Variants in HARS1 observed in about 807,000 individuals in gnomAD.
HARS1 encodes histidyl-tRNA synthetase 1, also known as histidine--tRNA ligase, cytoplasmic.
A neutral mutation model predicts 63.6 loss-of-function variants in HARS1; 45 were observed. The observed-to-expected ratio is 0.71, with a 90% CI of 0.56 to 0.91. HARS1 has a LOEUF of 0.91. Ranked by LOEUF, HARS1 falls within the 40% of genes least tolerant of loss-of-function variation. HARS1 has a pLI of 0.00. For synonymous variants in HARS1, 205 were observed against 247.1 expected, an observed-to-expected ratio of 0.83 and a Z score of 1.60; for missense variants, 508 against 643.2, an observed-to-expected ratio of 0.79 and a Z score of 2.27.
chr5:140,685,734 A>G (rs1758986408), intron 2 of HARS1, among the ~76,000 whole-genome samples: 1 of 151,410 alleles, frequency 6.6e-6, no homozygotes, highest in African/African-American at 2.4e-5. Context: ...AAAAAAAAAA[A>G]TCATTAAAAT....
At chr5:140,690,594 T>C (rs1759347612) in intron 2 of HARS1, among the ~76,000 whole-genome samples, 1 of 152,190 alleles carries the variant, frequency 6.6e-6, no homozygotes, top group Non-Finnish European at 1.5e-5. Context: ...TAGCGCTAAA[T>C]ACACATTTAT....
At chr5:140,678,865 A>G in intron 5 of HARS1, 137 bp downstream of exon 5, 1 of 925,382 alleles carries the variant, frequency 1.1e-6, no homozygotes, top group Non-Finnish European at 1.6e-6. Context: ...AAACAAACAA[A>G]AAAACCACCA....
intron 1 of HARS1, 130 bp downstream of exon 1, chr5:140,691,085 C>A: frequency 1.1e-6 from 1 of 897,844 alleles, no homozygotes; most frequent in East Asian, 2.5e-5. Context: ...GGATGTCTCC[C>A]CACGCAGCCC....
chr5:140,688,156 T>C (rs1364716170), intron 2 of HARS1, among the ~76,000 whole-genome samples: 1 of 152,084 alleles, frequency 6.6e-6, no homozygotes, highest in Non-Finnish European at 1.5e-5. Flanking sequence ...AGAATTATTA[T>C]AGAAATAGTT....
intron 2 of HARS1, among the ~76,000 whole-genome samples, chr5:140,690,622 A>G (rs1759350072): frequency 6.6e-6 from 1 of 152,186 alleles, no homozygotes; most frequent in South Asian, 2.1e-4. Context: ...ACGAAGGAGT[A>G]GCAGCAGCAG....
In HARS1 at chr5:140,675,009, T is replaced by C. The variant is rs1402724979; in HGVS notation, c.1311+8A>G. 1 of 1,586,004 alleles carries C rather than the reference T, an allele frequency of 6.3e-7. No individual in the cohort carries two copies. The stretch of plus-strand genomic sequence containing the variant: ...GTTTGCTGCCACCCTGGGGCTTGCC[T>C]CCCATACCTTGATCCCAGCATCCCA... On this transcript the variant is annotated splice_region_variant and intron_variant, in intron 11 of 12. Coordinates refer to ENST00000504156, the MANE Select transcript of HARS1 (RefSeq NM_002109.6).
In HARS1 at chr5:140,674,783, A is replaced by C; in HGVS notation, c.1354T>G (p.Leu452Val). 2 of 1,614,108 alleles carry C rather than the reference A, an allele frequency of 1.2e-6. No homozygotes were observed. The highest frequency in any genetic ancestry group is 1.3e-5 in the African/African-American group (1 of 75,034). ...ATGCCTGCCTCCTCACAGTACTGTA[A>C]CTGGTTCAGTAGCTTTGGGTTCTTC... The part of the protein sequence containing the change: ...YKKNPKLLNQ[L>V]QYCEEAGIPL... The change falls in exon 12 of 13, where the codon TTA becomes GTA. Residue 452 changes from leucine to valine, a missense_variant. By Grantham distance (32) the Leu-to-Val change is conservative (BLOSUM62 1). This residue lies in a region of HARS1 where 403 missense variants were observed against 548.7 expected (regional missense o/e 0.73). Transcript: ENST00000504156.
intron 2 of HARS1, among the ~76,000 whole-genome samples, chr5:140,690,557 T>C (rs1759341545): frequency 6.6e-6 from 1 of 152,240 alleles, no homozygotes; most frequent in African/African-American, 2.4e-5. Flanking sequence ...TGGTATATAT[T>C]CAGTGCTTTG....
At position 140,675,115 on chromosome 5, in the gene HARS1, G is replaced by T. The variant is rs908109064; in HGVS notation, c.1213C>A (p.Arg405=). 4.4e-6 allele frequency: 7 copies of T among 1,608,660 alleles called. No homozygotes were observed. The highest frequency in any genetic ancestry group is 6.0e-6 in the Non-Finnish European group (7 of 1,175,392). ...ACAAGCACCTGTGTCTCCGTGGTCC[G>T]TATCTTCTCCTCCAAAGCCTGGGGA... The part of the protein sequence containing the change: ...QRLEALEEKI[R]TTETQVLVAS... Residue 405 remains arginine (R), a synonymous_variant, in exon 11 of 13, where the codon CGG becomes AGG. Transcript: ENST00000504156.
intron 2 of HARS1, among the ~76,000 whole-genome samples, chr5:140,688,338 G>T (rs139362540): frequency 6.6e-6 from 1 of 152,106 alleles, no homozygotes; most frequent in Admixed American, 6.5e-5. Flanking sequence ...CCATTACCCA[G>T]CTTCAACAAC....
chr5:140,678,663 TA>T (rs1758533598), intron 5 of HARS1: 1 of 183,614 alleles, frequency 5.4e-6, no homozygotes, highest in African/African-American at 2.4e-5. Flanking sequence ...GCCAACATGG[TA>T]AAACCCCGTC....
chr5:140,674,502 A>G (rs902096825), intron 12 of HARS1, among the ~76,000 whole-genome samples, 174 bp from the exon 13 acceptor site: 1 of 152,228 alleles, frequency 6.6e-6, no homozygotes, highest in Non-Finnish European at 1.5e-5. Context: ...ACCATAAGGT[A>G]TATGCAGGGA....
rs781160020 is a variant in HARS1, at chr5:140,674,674, C to T, written c.1458+5G>A. ...TCCCTTAGCCTTCCTGCCCACCTCC[C>T]TCACCTCTTCCCTGCTCGTCACTGA... On this transcript the variant is annotated splice_donor_5th_base_variant and intron_variant, in intron 12 of 12. Transcript: ENST00000504156. The T allele has an allele frequency of 6.2e-7, 1 of 1,614,216 alleles. No individual in the cohort carries two copies. Among genetic ancestry groups the T allele is most frequent in the Non-Finnish European group, 8.5e-7 (1 of 1,180,018 alleles).
In HARS1 at chr5:140,679,095, T is replaced by C; in HGVS notation, c.429A>G (p.Lys143=). Residue 143 remains lysine (K), a synonymous_variant, in exon 5 of 13, where the codon AAA becomes AAG. Coordinates refer to ENST00000504156, the MANE Select transcript of HARS1 (RefSeq NM_002109.6). This position sits in a 1 kb window ranked among gnomAD's most constrained non-coding sequence, Gnocchi z 4.3. ...VPFARYLAMN[K]LTNIKRYHIA... is the part of the protein sequence containing the mutation. Reference sequence around the variant, plus strand: ...TGTGGTAGCGTTTAATGTTGGTCAGTTTATTCATTGCCAAATACCGAGCAA... The same window carrying C: ...TGTGGTAGCGTTTAATGTTGGTCAGCTTATTCATTGCCAAATACCGAGCAA... 1.2e-6 allele frequency: 2 copies of C among 1,614,060 alleles called. No homozygotes were observed. The highest frequency in any genetic ancestry group is 2.2e-5 in the South Asian group (2 of 91,084).
chr5:140,687,162 T>G (rs1394117149), intron 2 of HARS1, among the ~76,000 whole-genome samples: 1 of 152,196 alleles, frequency 6.6e-6, no homozygotes, highest in African/African-American at 2.4e-5. Context: ...CAGAAGTGCT[T>G]TATGTGTACT....
Position 140,676,448 on chromosome 5 carries a change from G to C in HARS1, c.1194+206C>G. On this transcript the variant is annotated intron_variant, in intron 10 of 12. Coordinates refer to ENST00000504156, the MANE Select transcript of HARS1 (RefSeq NM_002109.6). This position sits in a 1 kb window ranked among gnomAD's most constrained non-coding sequence, Gnocchi z 4.1. ...GAAGGAAGTAGAGACCCAGAGCAGA[G>C]GATTGAGTGCAGAAAGATTATGGAT... 1 of 620,370 alleles carries C rather than the reference G, an allele frequency of 1.6e-6. No individual in the cohort carries two copies. Among genetic ancestry groups the C allele is most frequent in the South Asian group, 2.0e-5 (1 of 49,476 alleles). 38.4% of individuals were successfully genotyped at this position (620,370 alleles called of 1,614,324 possible). A position where few individuals can be genotyped will look rare whatever the true frequency, so the allele number is the denominator to read the frequency against.
intron 2 of HARS1, chr5:140,684,820 A>G (rs1562021208): frequency 2.0e-5 from 3 of 152,240 alleles, no homozygotes; most frequent in Admixed American, 2.0e-4. Flanking sequence ...CACAAATAAT[A>G]TATCTATTAT....
intron 3 of HARS1, among the ~76,000 whole-genome samples, chr5:140,680,335 CAG>C (rs1758649367): frequency 6.6e-6 from 1 of 151,790 alleles, no homozygotes; most frequent in Non-Finnish European, 1.5e-5. Context: ...TTAGTAGAGA[CAG>C]GGTTTCACCA....
chr5:140,678,059 T>C, intron 5 of HARS1, 44 bp from the exon 6 acceptor site: 2 of 1,034,178 alleles, frequency 1.9e-6, no homozygotes, highest in Non-Finnish European at 3.1e-6. Context: ...GATTCACCTT[T>C]CTGAAGGGGG....
Sources: allele counts gnomAD v4.1 joint callset (sites outside exome capture counted in the v4.1 genomes callset), GRCh38; gene constraint gnomAD v4.1.1; regional missense constraint gnomAD v4.1.1; non-coding constraint Gnocchi (gnomAD v3.1); transcripts MANE v1.5; gene names NCBI Gene and HGNC (gene_info 2026-07-23, HGNC 2026-07-21).